CNTN4: variants seen among roughly 807,000 people sequenced by gnomAD.
The protein encoded by CNTN4 is contactin 4, also known as contactin-4.
Under a neutral mutation model 122.5 loss-of-function variants are expected in CNTN4, and 77 were observed. That is an observed-to-expected ratio of 0.63 (90% CI 0.52 to 0.76). The LOEUF is 0.76. CNTN4 is among the 30% of genes least tolerant of loss of function. The pLI, the probability that CNTN4 is intolerant of heterozygous loss-of-function variation, is 0.00. For synonymous variants in CNTN4, 512 were observed against 447.0 expected, an observed-to-expected ratio of 1.15 and a Z score of -1.83; for missense variants, 1,256 against 1,259.1, an observed-to-expected ratio of 1.00 and a Z score of 0.04.
chr3:2,852,183 T>C (rs1353749554), intron 7 of CNTN4, among the ~76,000 whole-genome samples: 1 of 152,194 alleles, frequency 6.6e-6, no homozygotes, highest in African/African-American at 2.4e-5. Flanking sequence ...ATCACAAGAT[T>C]TAATTTTCTG....
At chr3:2,488,991 A>C (rs2076239808) in intron 3 of CNTN4, among the ~76,000 whole-genome samples, 2 of 152,152 alleles carry the variant, frequency 1.3e-5, no homozygotes, top group East Asian at 3.9e-4. Flanking sequence ...TCTCTGCATC[A>C]CTCTACAGAA....
intron 2 of CNTN4, among the ~76,000 whole-genome samples, chr3:2,158,541 C>G (rs1046122277): frequency 1.3e-5 from 2 of 152,220 alleles, no homozygotes; most frequent in African/African-American, 2.4e-5. Flanking sequence ...ATTGTTTGCT[C>G]TTCCACATCT....
intron 7 of CNTN4, among the ~76,000 whole-genome samples, chr3:2,829,596 A>G (rs1184497305): frequency 1.3e-5 from 2 of 152,234 alleles, no homozygotes; most frequent in African/African-American, 2.4e-5. Flanking sequence ...AAATTGGTGA[A>G]GTATATTCTG....
rs184299380 is a variant in CNTN4 at position 2,945,148 on chromosome 3, G to A, written c.1358+19369G>A. On this transcript the variant is annotated intron_variant, in intron 13 of 24. Coordinates refer to ENST00000418658, the MANE Select transcript of CNTN4 (RefSeq NM_175607.3). The stretch of plus-strand genomic sequence containing the variant: ...GGTAGAATGCTTTGGCCTGAAGGAG[G>A]GAAATCTGGGTAGAGTACTCTTTCC... Among the ~76,000 whole-genome samples, 7 of 152,150 alleles carry A rather than the reference G, an allele frequency of 4.6e-5. No individual in the cohort carries two copies. In the East Asian group the frequency reaches 1.2e-3, roughly 25 times the overall value.
At chr3:2,971,921 G>A in intron 13 of CNTN4, among the ~76,000 whole-genome samples, 1 of 152,178 alleles carries the variant, frequency 6.6e-6, no homozygotes, top group East Asian at 1.9e-4. Context: ...TTTACATTAT[G>A]TGGAGATAGG....
intron 7 of CNTN4, among the ~76,000 whole-genome samples, chr3:2,822,896 A>G (rs114167112): frequency 0.02 from 3,036 of 152,350 alleles, 39 homozygotes; most frequent in South Asian, 0.049. Flanking sequence ...AAGACAAGGA[A>G]ATAAATATTC....
intron 2 of CNTN4, among the ~76,000 whole-genome samples, chr3:2,176,493 A>T (rs113997262): frequency 6.6e-6 from 1 of 152,148 alleles, no homozygotes; most frequent in Non-Finnish European, 1.5e-5. Context: ...CCTTGAGTCT[A>T]TTCATTAAGA....
At chr3:2,275,723 C>G (rs1234839825) in intron 2 of CNTN4, among the ~76,000 whole-genome samples, 1 of 151,742 alleles carries the variant, frequency 6.6e-6, no homozygotes, top group African/African-American at 2.4e-5. Flanking sequence ...CATTTGAGAC[C>G]AGCCTGGCCA....
intron 3 of CNTN4, among the ~76,000 whole-genome samples, chr3:2,557,324 A>G (rs79755831): frequency 0.031 from 4,743 of 152,344 alleles, 242 homozygotes; most frequent in African/African-American, 0.11. Flanking sequence ...CTCACATCGC[A>G]TTGCAAGGAG....
At chr3:2,466,036 C>G (rs920986067) in intron 3 of CNTN4, among the ~76,000 whole-genome samples, 2 of 152,102 alleles carry the variant, frequency 1.3e-5, no homozygotes, top group African/African-American at 2.4e-5. Context: ...GTCAAAGATA[C>G]CAGGGAATTC....
At chr3:2,389,490 C>T (rs745741381) in intron 3 of CNTN4, among the ~76,000 whole-genome samples, 35 of 152,164 alleles carry the variant, frequency 2.3e-4, no homozygotes, top group African/African-American at 5.6e-4. Context: ...TACTACTGAT[C>T]GCCTTATTTT....
At chr3:2,978,429 C>T (rs7356030) in intron 13 of CNTN4, among the ~76,000 whole-genome samples, 41,066 of 152,038 alleles carry the variant, frequency 0.27, 6,373 homozygotes, top group African/African-American at 0.43. Flanking sequence ...CAGGCATAGA[C>T]GGGAGCTAGA....
At chr3:2,460,667 T>C (rs963790571) in intron 3 of CNTN4, among the ~76,000 whole-genome samples, 2 of 152,226 alleles carry the variant, frequency 1.3e-5, no homozygotes, top group Non-Finnish European at 2.9e-5. Flanking sequence ...TTGGGTAGAC[T>C]GAATGGCCTT....
At chr3:2,886,451 CATAT>C (rs2151008920) in intron 9 of CNTN4, among the ~76,000 whole-genome samples, 1 of 147,814 alleles carries the variant, frequency 6.8e-6, no homozygotes, top group East Asian at 2.0e-4. Context: ...TATGAGGAAA[CATAT>C]ATAACATATA....
At chr3:2,322,128 A>T (rs187480931) in intron 2 of CNTN4, among the ~76,000 whole-genome samples, 1 of 152,288 alleles carries the variant, frequency 6.6e-6, no homozygotes, top group African/African-American at 2.4e-5. Context: ...TATACATTAG[A>T]TTACTCTATC....
intron 13 of CNTN4, among the ~76,000 whole-genome samples, chr3:2,951,861 G>A (rs1195668099): frequency 6.6e-6 from 1 of 152,184 alleles, no homozygotes; most frequent in Non-Finnish European, 1.5e-5. Context: ...GGATTGCCAG[G>A]ATTTTAACCT....
At chr3:2,610,740 T>A (rs1559301512) in intron 4 of CNTN4, among the ~76,000 whole-genome samples, 1 of 152,124 alleles carries the variant, frequency 6.6e-6, no homozygotes, top group Non-Finnish European at 1.5e-5. Context: ...ACCAGAAAAT[T>A]TAAAAACTAT....
At chr3:2,164,461 A>G (rs773351618) in intron 2 of CNTN4, among the ~76,000 whole-genome samples, 2 of 152,202 alleles carry the variant, frequency 1.3e-5, no homozygotes, top group Non-Finnish European at 2.9e-5. Context: ...AAGGAGGAGA[A>G]CTAACAGATT....
intron 4 of CNTN4, among the ~76,000 whole-genome samples, chr3:2,695,300 C>G (rs1168430756): frequency 1.3e-5 from 2 of 152,180 alleles, no homozygotes; most frequent in Non-Finnish European, 2.9e-5. Flanking sequence ...TGTACTGCCT[C>G]TCTCTAACAT....
Sources: allele counts gnomAD v4.1 joint callset (sites outside exome capture counted in the v4.1 genomes callset), GRCh38; gene constraint gnomAD v4.1.1; transcripts MANE v1.5; gene names NCBI Gene and HGNC (gene_info 2026-07-23, HGNC 2026-07-21).